SARDH: variants seen among roughly 807,000 people sequenced by gnomAD.
The protein encoded by SARDH is sarcosine dehydrogenase.
Under a neutral mutation model 109.1 loss-of-function variants are expected in SARDH, and 95 were observed. That is an observed-to-expected ratio of 0.87 (90% CI 0.74 to 1.03). The LOEUF (loss-of-function observed/expected upper bound fraction) is 1.03, where lower values mean the gene tolerates loss of function less well. Ranked by LOEUF, SARDH falls within the 50% of genes least tolerant of loss-of-function variation. The pLI, the probability that SARDH is intolerant of heterozygous loss-of-function variation, is 0.00. For synonymous variants in SARDH, 572 were observed against 534.8 expected, an observed-to-expected ratio of 1.07 and a Z score of -0.96; for missense variants, 1,267 against 1,287.8, an observed-to-expected ratio of 0.98 and a Z score of 0.25.
At chr9:133,687,926 C>G (rs2131374760) in intron 16 of SARDH, among the ~76,000 whole-genome samples, 1 of 152,324 alleles carries the variant, frequency 6.6e-6, no homozygotes, top group African/African-American at 2.4e-5. Flanking sequence ...GCAGCGAGCT[C>G]CTCTTCCCGC....
intron 6 of SARDH, among the ~76,000 whole-genome samples, chr9:133,722,592 A>T (rs1262355795): frequency 2.0e-5 from 3 of 152,014 alleles, no homozygotes; most frequent in South Asian, 4.1e-4. Flanking sequence ...TGCAGATAAC[A>T]AGGTCTTGTA....
chr9:133,677,261 G>A (rs1384330954), intron 17 of SARDH, among the ~76,000 whole-genome samples: 3 of 151,840 alleles, frequency 2.0e-5, no homozygotes, highest in South Asian at 4.3e-4. Flanking sequence ...ATAACTGTCA[G>A]CCTGGAAACC....
At chr9:133,721,672 C>T (rs915139006) in intron 6 of SARDH, among the ~76,000 whole-genome samples, 6 of 152,074 alleles carry the variant, frequency 3.9e-5, no homozygotes, top group African/African-American at 7.2e-5. Flanking sequence ...GATGTGTGTG[C>T]GTATTCAGAA....
At chr9:133,671,260 A>T (rs1040158697) in intron 18 of SARDH, among the ~76,000 whole-genome samples, 1 of 152,136 alleles carries the variant, frequency 6.6e-6, no homozygotes, top group East Asian at 1.9e-4. Context: ...GGTGTCAGGC[A>T]GCACCTCAGC....
chr9:133,733,494 C>T (rs1205060652), intron 2 of SARDH, among the ~76,000 whole-genome samples: 4 of 152,204 alleles, frequency 2.6e-5, no homozygotes, highest in Middle Eastern at 3.2e-3. Flanking sequence ...CAATGGTCCC[C>T]GTCCGTCCTT....
At chr9:133,717,601 C>T (rs1266185148) in intron 7 of SARDH, 146 bp from the exon 8 acceptor site, 15 of 1,224,942 alleles carry the variant, frequency 1.2e-5, no homozygotes, top group African/African-American at 9.1e-5. Flanking sequence ...ACGTCCCAGC[C>T]GTTTGTCTCC....
chr9:133,735,666 T>C (rs1462658120), intron 1 of SARDH, among the ~76,000 whole-genome samples: 1 of 152,196 alleles, frequency 6.6e-6, no homozygotes, highest in African/African-American at 2.4e-5. Context: ...GGAGAGGGCA[T>C]GTGCACATTG....
chr9:133,665,174 T>TA (rs1261020763), intron 20 of SARDH, among the ~76,000 whole-genome samples: 2 of 152,182 alleles, frequency 1.3e-5, no homozygotes, highest in Admixed American at 1.3e-4. Flanking sequence ...GTGCATCGAC[T>TA]GGTTCCCCGG....
chr9:133,719,996 A>G (rs1345404387), intron 6 of SARDH, among the ~76,000 whole-genome samples: 2 of 152,142 alleles, frequency 1.3e-5, no homozygotes, highest in Non-Finnish European at 2.9e-5. Context: ...CTGTAGTCCC[A>G]GCTATTCGGG....
intron 6 of SARDH, among the ~76,000 whole-genome samples, chr9:133,720,385 A>T (rs1407662064): frequency 6.6e-6 from 1 of 151,784 alleles, no homozygotes; most frequent in Non-Finnish European, 1.5e-5. Flanking sequence ...CCAAGATTGC[A>T]CCATTGCACT....
chr9:133,718,867 G>C lies in SARDH; in HGVS notation c.1020+71C>G. The C allele has an allele frequency of 8.1e-7, 1 of 1,229,384 alleles. No individual in the cohort carries two copies. Among genetic ancestry groups the C allele is most frequent in the Non-Finnish European group, 1.2e-6 (1 of 830,536 alleles). The allele number at this position is 1,229,384 out of a possible 1,614,324, so 76.2% of individuals were successfully genotyped here. A position where few individuals can be genotyped will look rare whatever the true frequency, so the allele number is the denominator to read the frequency against. ...GGAGCTTCAGGAGGATGGACTTCCT[G>C]AAAGAGGCCCTCTCCATGCTGAGAT... is the stretch of plus-strand genomic sequence containing the variant. On this transcript the variant is annotated intron_variant, in intron 7 of 20. Coordinates refer to ENST00000439388, the MANE Select transcript of SARDH (RefSeq NM_001134707.2). This position sits in a 1 kb window ranked among gnomAD's most constrained non-coding sequence, Gnocchi z 4.2.
Position 133,705,013 on chromosome 9 carries a change from A to G in SARDH, c.1489T>C (p.Cys497Arg). The change falls in exon 12 of 21, where the codon TGC becomes CGC. Residue 497 changes from cysteine to arginine, a missense_variant. By Grantham distance (180) the Cys-to-Arg change is radical (BLOSUM62 -3). Transcript: ENST00000439388. Reference protein sequence around the residue: ...PLHEELLGQGCVFQERHGWER... With the variant: ...PLHEELLGQGRVFQERHGWER... ...CAGCCATGCCGCTCCTGGAACACGC[A>G]GCCTTGTCCAAGGAGTTCCTGAGCA... The G allele has an allele frequency of 6.3e-7, 1 of 1,592,228 alleles. No homozygotes were observed. Among genetic ancestry groups the G allele is most frequent in the South Asian group, 1.1e-5 (1 of 87,008 alleles).
At chr9:133,717,557 A>G (rs942263940) in intron 7 of SARDH, 102 bp from the exon 8 acceptor site, 1 of 1,502,072 alleles carries the variant, frequency 6.7e-7, no homozygotes, top group African/African-American at 1.4e-5. Flanking sequence ...GCCTCTGCTG[A>G]ATCAGATGCA....
chr9:133,660,751 G>A (rs201921566), downstream of SARDH, among the ~76,000 whole-genome samples: 4 of 152,194 alleles, frequency 2.6e-5, no homozygotes, highest in East Asian at 7.7e-4. Context: ...CTGGGGTGAG[G>A]AATGCTCATG....
intron 17 of SARDH, among the ~76,000 whole-genome samples, chr9:133,681,913 C>G (rs1376564862): frequency 1.3e-5 from 2 of 151,634 alleles, no homozygotes; most frequent in African/African-American, 4.8e-5. Context: ...TGTTTCCCCT[C>G]CCCCCCATCC....
intron 1 of SARDH, among the ~76,000 whole-genome samples, chr9:133,735,701 C>A (rs879442593): frequency 2.6e-5 from 4 of 152,192 alleles, no homozygotes; most frequent in African/African-American, 7.2e-5. Flanking sequence ...CAAACTGACC[C>A]TTTGCTCATT....
Position 133,702,961 on chromosome 9 carries a change from CA to C in SARDH, c.1622del (p.Leu541ArgfsTer81). ...RAHEDYAYRRLLADEYTFAFP... is the reference protein window; with the variant it reads ...RAHEDYAYRRXLADEYTFAFP... ...AGGCGAAGGTGTACTCGTCTGCCAGCAGCCTGCGGTAGGCGTAGTCCTCGTG... is the reference window on the plus strand; with the variant it reads ...AGGCGAAGGTGTACTCGTCTGCCAGCGCCTGCGGTAGGCGTAGTCCTCGTG... On this transcript the variant is annotated frameshift_variant, in exon 13 of 21. Coordinates refer to ENST00000439388, the MANE Select transcript of SARDH (RefSeq NM_001134707.2). LOFTEE classifies it high-confidence loss of function. 1 of 1,613,312 alleles carries C rather than the reference CA, an allele frequency of 6.2e-7. No homozygotes were observed. Among genetic ancestry groups the C allele is most frequent in the Non-Finnish European group, 8.5e-7 (1 of 1,179,990 alleles).
intron 16 of SARDH, among the ~76,000 whole-genome samples, chr9:133,687,997 G>A (rs1163016433): frequency 6.6e-6 from 1 of 152,006 alleles, no homozygotes; most frequent in Non-Finnish European, 1.5e-5. Flanking sequence ...CGCACCGGCC[G>A]CCCCCGGGCC....
downstream of SARDH, among the ~76,000 whole-genome samples, chr9:133,660,241 G>A (rs1386728399): frequency 2.0e-5 from 3 of 152,120 alleles, no homozygotes; most frequent in Admixed American, 6.5e-5. Context: ...ATGCACAGCC[G>A]TGGCAATCTC....
Sources: allele counts gnomAD v4.1 joint callset (sites outside exome capture counted in the v4.1 genomes callset), GRCh38; gene constraint gnomAD v4.1.1; non-coding constraint Gnocchi (gnomAD v3.1); transcripts MANE v1.5; gene names NCBI Gene and HGNC (gene_info 2026-07-23, HGNC 2026-07-21).